MMP26: variants seen among roughly 807,000 people sequenced by gnomAD.
MMP26 encodes matrix metalloproteinase-26.
In MMP26, 33 loss-of-function variants were observed where a neutral mutation model predicts 31.0. That is an observed-to-expected ratio of 1.06 (90% CI 0.81 to 1.42). The LOEUF is 1.42. MMP26 is among the 40% of genes most tolerant of loss of function. The probability of loss-of-function intolerance (pLI) is 0.00; values close to 1 mark genes in which losing one functional copy is unlikely to be tolerated. For missense variants in MMP26, 347 were observed against 316.1 expected, an observed-to-expected ratio of 1.10 and a Z score of -0.74; for synonymous variants, 122 against 114.9, an observed-to-expected ratio of 1.06 and a Z score of -0.40.
intron 1 of MMP26, among the ~76,000 whole-genome samples, chr11:4,726,858 A>G (rs191990865): frequency 5.3e-5 from 8 of 152,246 alleles, no homozygotes; most frequent in Middle Eastern, 3.4e-3. Context: ...AAGTTAAAAA[A>G]TTAGCCAGGC....
chr11:4,969,704 A>G (rs1023713469), intron 2 of MMP26, among the ~76,000 whole-genome samples: 1 of 152,146 alleles, frequency 6.6e-6, no homozygotes, highest in Admixed American at 6.5e-5. Flanking sequence ...AATAATTTTC[A>G]TAATTTTAAA....
chr11:4,887,665 A>G (rs1238148355), intron 2 of MMP26, among the ~76,000 whole-genome samples: 1 of 152,110 alleles, frequency 6.6e-6, no homozygotes, highest in Non-Finnish European at 1.5e-5. Context: ...CTGAGTTGTT[A>G]AAGACATTTT....
intron 2 of MMP26, among the ~76,000 whole-genome samples, chr11:4,878,418 CAG>C (rs1458385650): frequency 6.6e-6 from 1 of 151,780 alleles, no homozygotes; most frequent in African/African-American, 2.4e-5. Flanking sequence ...GGGTTGGAAT[CAG>C]AAAAAATATT....
intron 2 of MMP26, among the ~76,000 whole-genome samples, chr11:4,885,674 C>A (rs895715012): frequency 6.6e-6 from 1 of 151,876 alleles, no homozygotes; most frequent in African/African-American, 2.4e-5. Context: ...CTGCATATAG[C>A]CTAATCTTTT....
chr11:4,811,641 G>A (rs1349367333), intron 2 of MMP26, among the ~76,000 whole-genome samples: 1 of 152,056 alleles, frequency 6.6e-6, no homozygotes, highest in African/African-American at 2.4e-5. Context: ...ATAAAATTCA[G>A]GTCCCTCTGC....
intron 2 of MMP26, chr11:4,946,013 C>A: frequency 1.3e-6 from 1 of 750,340 alleles, no homozygotes; most frequent in South Asian, 1.8e-5. Flanking sequence ...GTTCTATTCT[C>A]ATTCGCAGTA....
chr11:4,797,519 C>A (rs1780495224), intron 2 of MMP26, among the ~76,000 whole-genome samples: 1 of 152,158 alleles, frequency 6.6e-6, no homozygotes, highest in African/African-American at 2.4e-5. Context: ...AGAACTCCTG[C>A]TGCAAATCTG....
chr11:4,837,586 A>G (rs903030062), intron 2 of MMP26, among the ~76,000 whole-genome samples: 11 of 151,904 alleles, frequency 7.2e-5, no homozygotes, highest in African/African-American at 2.4e-4. Context: ...GGAAACAAAA[A>G]TAATCAATAA....
At chr11:4,848,267 C>T in intron 2 of MMP26, 16 of 1,611,966 alleles carry the variant, frequency 9.9e-6, no homozygotes, top group Non-Finnish European at 1.4e-5. Context: ...TCCTGGGCTG[C>T]AACCTGTTGA....
intron 2 of MMP26, among the ~76,000 whole-genome samples, chr11:4,816,828 C>T (rs901274527): frequency 4.3e-4 from 64 of 149,694 alleles, no homozygotes; most frequent in African/African-American, 1.5e-3. Context: ...CTCAGCCTCC[C>T]GAGTAGCTGG....
chr11:4,812,270 T>C (rs1477114351), intron 2 of MMP26, among the ~76,000 whole-genome samples: 2 of 152,178 alleles, frequency 1.3e-5, no homozygotes, highest in Non-Finnish European at 2.9e-5. Context: ...TGTGTATATG[T>C]AGTATATAAT....
At chr11:4,985,836 C>T (rs951182489) in intron 2 of MMP26, among the ~76,000 whole-genome samples, 2 of 152,160 alleles carry the variant, frequency 1.3e-5, no homozygotes, top group Non-Finnish European at 2.9e-5. Context: ...AAGAAATAGA[C>T]ATTTCATTCC....
intron 2 of MMP26, chr11:4,942,780 C>A (rs887478418): frequency 2.0e-5 from 3 of 152,100 alleles, no homozygotes; most frequent in African/African-American, 7.2e-5. Flanking sequence ...CCCATGGGTA[C>A]ACACACATAG....
chr11:4,874,565 G>GGGGTGT (rs141325459), intron 2 of MMP26, among the ~76,000 whole-genome samples: 34 of 149,052 alleles, frequency 2.3e-4, no homozygotes, highest in African/African-American at 7.9e-4. Flanking sequence ...GTGGTGTGTT[G>GGGGTGT]GTGTGTGTGT....
rs1815534150 is a variant in MMP26 at position 4,856,245 on chromosome 11, C to T, written c.-145+88904C>T. Among the ~76,000 whole-genome samples, 2 of 152,140 alleles carry T rather than the reference C, an allele frequency of 1.3e-5. 1 individual carries two copies. The highest frequency in any genetic ancestry group is 4.1e-4 in the South Asian group (2 of 4,822). On this transcript the variant is annotated intron_variant, in intron 2 of 7. Transcript: ENST00000380390. ...AATATTAACCTTAAATGTAGATGGG[C>T]TAAATGTTCCAATTAAAAGACACAG... is the stretch of plus-strand genomic sequence containing the variant.
At chr11:4,933,908 A>C (rs1589943633) in intron 2 of MMP26, among the ~76,000 whole-genome samples, 1 of 148,588 alleles carries the variant, frequency 6.7e-6, no homozygotes, top group South Asian at 2.1e-4. Flanking sequence ...TGAACTCATC[A>C]TTTTTTATGG....
At chr11:4,986,914 T>TCTCTCTCTCTCTCTCC (rs1846900404) in intron 2 of MMP26, among the ~76,000 whole-genome samples, 14 of 103,360 alleles carry the variant, frequency 1.4e-4, no homozygotes, top group African/African-American at 4.9e-4. Flanking sequence ...TTTCTCTCTC[T>TCTCTCTCTCTCTCTCC]CTCTCTCTCT....
intron 5 of MMP26, among the ~76,000 whole-genome samples, chr11:4,991,141 C>A (rs183250954): frequency 6.6e-6 from 1 of 152,266 alleles, no homozygotes; most frequent in African/African-American, 2.4e-5. Flanking sequence ...AACTTGTAAG[C>A]TTTACTCAGT....
chr11:4,775,530 T>G (rs574157651), intron 2 of MMP26, among the ~76,000 whole-genome samples: 10 of 152,286 alleles, frequency 6.6e-5, no homozygotes, highest in African/African-American at 2.4e-4. Flanking sequence ...GATCTATGTT[T>G]TAGCCTGTTT....
Sources: gnomAD v4.1 joint callset for allele counts (sites outside exome capture counted in the v4.1 genomes callset) on GRCh38, gnomAD v4.1.1 for gene constraint, MANE v1.5 for transcripts, NCBI Gene and HGNC (gene_info 2026-07-23, HGNC 2026-07-21) for gene names.